Variants in LETM2 observed in about 807,000 individuals in gnomAD.
LETM2 encodes LETM1 domain-containing protein LETM2, mitochondrial.
LETM2 carries 58 observed loss-of-function variants against 59.6 expected under a neutral mutation model. The ratio of observed to expected loss-of-function variants is 0.97; its 90% CI spans 0.79 to 1.21. The LOEUF is 1.21. Among genes scored for constraint, LETM2 ranks in the 50% most tolerant of loss-of-function variants. The pLI is 0.00. For missense variants in LETM2, 572 were observed against 575.7 expected (o/e 0.99, Z 0.07); for synonymous variants, 199 against 214.1 (o/e 0.93, Z 0.62).
intron 4 of LETM2, among the ~76,000 whole-genome samples, chr8:38,397,825 T>C (rs910120725): frequency 3.3e-5 from 5 of 151,956 alleles, no homozygotes; most frequent in Non-Finnish European, 7.4e-5. Flanking sequence ...AGAGAATACA[T>C]TATGAAATTG....
At chr8:38,399,774 T>A (rs555021634) in intron 4 of LETM2, among the ~76,000 whole-genome samples, 2 of 114,044 alleles carry the variant, frequency 1.8e-5, no homozygotes, top group African/African-American at 6.8e-5. Context: ...CGAAACTCCA[T>A]CTCAAAAAAA....
chr8:38,397,269 C>T lies in LETM2; in HGVS notation c.646-3003C>T, dbSNP rs1014483714. On this transcript the variant is annotated intron_variant, in intron 4 of 10. Transcript: ENST00000379957. ...TTGGCTCACTGCAACCTCCGCCTCC[C>T]GGATGCAAGCAATTCTCCGGCCTCA... is the stretch of plus-strand genomic sequence containing the variant. 24 of 390,742 alleles carry T rather than the reference C, an allele frequency of 6.1e-5. No homozygotes were observed. In the Middle Eastern group the frequency reaches 2.4e-3, roughly 38 times the overall value. The allele number at this position is 390,742 out of a possible 1,614,324, so 24.2% of individuals were successfully genotyped here.
In LETM2 at chr8:38,389,202, A is replaced by ATTATTTAT. The variant is rs372262355; in HGVS notation, c.47+1195_47+1202dup. Reference sequence around the variant, plus strand: ...TCGTGTCCCATTAGGGTCTGTTACCATTATTTATTTATTTATTTATTTATT... The same window carrying ATTATTTAT: ...TCGTGTCCCATTAGGGTCTGTTACCATTATTTATTTATTTATTTATTTATTTATTTATT... On this transcript the variant is annotated intron_variant, in intron 2 of 10. Coordinates refer to ENST00000379957, the MANE Select transcript of LETM2 (RefSeq NM_001286819.2). Among the ~76,000 whole-genome samples the ATTATTTAT allele has an allele frequency of 7.7e-3, 1,158 of 151,332 alleles. 16 individuals are homozygous for ATTATTTAT. The highest frequency in any genetic ancestry group is 0.025 in the African/African-American group (1,046 of 41,258).
At chr8:38,396,696 CGAGTTCAA>C (rs2150427582) in intron 4 of LETM2, among the ~76,000 whole-genome samples, 1 of 151,978 alleles carries the variant, frequency 6.6e-6, no homozygotes, top group Non-Finnish European at 1.5e-5. Flanking sequence ...TTTAAGCCCA[CGAGTTCAA>C]GACCAGCCAG....
chr8:38,407,932 G>GAA (rs1269206186), intron 10 of LETM2: 10 of 423,576 alleles, frequency 2.4e-5, no homozygotes, highest in Non-Finnish European at 3.5e-5. Context: ...GAGGTTGTGG[G>GAA]AGAGTTGAAG....
rs1277985647 is a variant in LETM2, at chr8:38,400,932, A to G, written c.863A>G (p.His288Arg). The G allele has an allele frequency of 6.2e-7, 1 of 1,614,104 alleles. No homozygotes were observed. The change falls in exon 6 of 11, where the codon CAC (histidine) becomes CGC (arginine). Residue 288 changes from histidine to arginine, a missense_variant. Transcript: ENST00000379957. ...KLFEDQLALE[H>R]LDRPQLVALC... ...TTTGAGGACCAGCTGGCCCTGGAAC[A>G]CTTAGATCGCCCTCAGCTGGTTGCC...
In LETM2 at chr8:38,407,462, C is replaced by T. The variant is rs1813823063; in HGVS notation, c.1412C>T (p.Pro471Leu). 6.4e-7 allele frequency: 1 copy of T among 1,561,726 alleles called. No homozygotes were observed. Among genetic ancestry groups the T allele is most frequent in the East Asian group, 2.2e-5 (1 of 44,608 alleles). The change falls in exon 10 of 11, where the codon CCT becomes CTT. Residue 471 changes from proline (P) to leucine (L), a missense_variant and splice_region_variant. Transcript: ENST00000379957. ...GGACCCATCACTTCTTCTGAAGAAC[C>T]TGTAAGTATCTTTAATAAATGAAAA... ...PKGPITSSEE[P>L]TLQAKSQMTA... is the part of the protein sequence containing the mutation.
At chr8:38,399,507 G>A (rs1187638877) in intron 4 of LETM2, among the ~76,000 whole-genome samples, 1 of 152,138 alleles carries the variant, frequency 6.6e-6, no homozygotes, top group African/African-American at 2.4e-5. Flanking sequence ...TCTGGGCGCT[G>A]TGGCTCAAGC....
chr8:38,407,939 G>C lies in LETM2; in HGVS notation c.1414-273G>C, dbSNP rs187410441. 56 of 431,608 alleles carry C rather than the reference G, an allele frequency of 1.3e-4. 1 individual carries two copies. In the Middle Eastern group the frequency reaches 2.1e-3, roughly 16 times the overall value. 26.7% of individuals were successfully genotyped at this position (431,608 alleles called of 1,614,324 possible). A position where few individuals can be genotyped will look rare whatever the true frequency, so the allele number is the denominator to read the frequency against. ...ACAGTGGGGAGGTTGTGGGAGAGTT[G>C]AAGTGGGAAGTGGCTCCTGTGGACC... On this transcript the variant is annotated intron_variant, in intron 10 of 10. Transcript: ENST00000379957.
chr8:38,388,177 T>G, intron 2 of LETM2, 147 bp downstream of exon 2: 1 of 611,948 alleles, frequency 1.6e-6, no homozygotes, highest in Non-Finnish European at 2.9e-6. Context: ...GCCTCCCGGG[T>G]TCAAGCTACT....
intron 8 of LETM2, chr8:38,404,810 T>G: frequency 3.5e-6 from 1 of 283,554 alleles, no homozygotes; most frequent in Non-Finnish European, 6.9e-6. Context: ...TGAAATCTCA[T>G]CTCTACTAAA....
intron 2 of LETM2, among the ~76,000 whole-genome samples, chr8:38,391,199 C>CAA (rs1292763551): frequency 0.012 from 1,143 of 99,224 alleles, 8 homozygotes; most frequent in Non-Finnish European, 0.019. Flanking sequence ...AAAAAAAAAA[C>CAA]AAAAAAAAAA....
chr8:38,400,595 T>TA (rs1813117252), intron 5 of LETM2, 186 bp downstream of exon 5: 2 of 683,196 alleles, frequency 2.9e-6, no homozygotes, highest in Non-Finnish European at 4.7e-6. Flanking sequence ...AAGCCTGTCT[T>TA]AAAGTAATCA....
upstream of LETM2, chr8:38,382,587 CTG>C (rs1168868469): frequency 1.3e-5 from 2 of 153,198 alleles, no homozygotes; most frequent in Non-Finnish European, 2.9e-5. The surrounding 1 kb of genome is among the most constrained non-coding windows in gnomAD (Gnocchi z 4.2). Flanking sequence ...GGAGGTAAAA[CTG>C]GGATCGGCGC....
At chr8:38,397,178 CT>C (rs34259252) in intron 4 of LETM2, 50,352 of 393,436 alleles carry the variant, frequency 0.13, no homozygotes, top group Middle Eastern at 0.18. Flanking sequence ...AAAAGTGCAA[CT>C]TTTTTTTTTT....
chr8:38,388,299 G>A (rs1303846743), intron 2 of LETM2, among the ~76,000 whole-genome samples: 1 of 151,466 alleles, frequency 6.6e-6, no homozygotes, highest in African/African-American at 2.4e-5. Context: ...AGGCTGCTCT[G>A]GAACTCCTGA....
In LETM2 at chr8:38,408,254, G is replaced by T; in HGVS notation, c.1456G>T (p.Ala486Ser). The change falls in exon 11 of 11, where the codon GCT (alanine) becomes TCT (serine). Residue 486 changes from alanine to serine, a missense_variant. Coordinates refer to ENST00000379957, the MANE Select transcript of LETM2 (RefSeq NM_001286819.2). ...KSQMTAQNSK[A>S]SSKGA ...ACAAATGACGGCCCAGAACAGCAAG[G>T]CTAGTTCAAAAGGAGCATAAAGGAC... 6.2e-7 allele frequency: 1 copy of T among 1,613,062 alleles called. No homozygotes were observed. The highest frequency in any genetic ancestry group is 8.5e-7 in the Non-Finnish European group (1 of 1,179,620).
rs1300943012 is a variant in LETM2 at position 38,408,810 on chromosome 8, G to A, written c.*536G>A. On this transcript the variant is annotated 3_prime_UTR_variant, in exon 11 of 11. Transcript: ENST00000379957. ...TTTCTGGATATAATGAAGCTTCCTGGAGAAACAGACTGGCAATCAGAAAGA... is the reference window on the plus strand; with the variant it reads ...TTTCTGGATATAATGAAGCTTCCTGAAGAAACAGACTGGCAATCAGAAAGA... The A allele has an allele frequency of 1.3e-5, 2 of 152,362 alleles. No homozygotes were observed. The highest frequency in any genetic ancestry group is 2.9e-5 in the Non-Finnish European group (2 of 68,178). 9.4% of individuals were successfully genotyped at this position (152,362 alleles called of 1,614,324 possible). A position where few individuals can be genotyped will look rare whatever the true frequency, so the allele number is the denominator to read the frequency against.
chr8:38,385,875 T>C (rs1470325884), upstream of LETM2, among the ~76,000 whole-genome samples: 1 of 152,200 alleles, frequency 6.6e-6, no homozygotes, highest in Non-Finnish European at 1.5e-5. Flanking sequence ...TACTATAACA[T>C]ACATTTTATA....
Sources: allele counts gnomAD v4.1 joint callset (sites outside exome capture counted in the v4.1 genomes callset), GRCh38; gene constraint gnomAD v4.1.1; non-coding constraint Gnocchi (gnomAD v3.1); transcripts MANE v1.5; gene names NCBI Gene and HGNC (gene_info 2026-07-23, HGNC 2026-07-21).